UBXN2A: variants seen among roughly 807,000 people sequenced by gnomAD.
The protein encoded by UBXN2A is UBX domain-containing protein 2A.
Under a neutral mutation model 28.4 loss-of-function variants are expected in UBXN2A, and 28 were observed. The observed-to-expected ratio is 0.99, with a 90% confidence interval of 0.73 to 1.35. The LOEUF is 1.35. UBXN2A is among the 40% of genes most tolerant of loss of function. The pLI, the probability that UBXN2A is intolerant of heterozygous loss-of-function variation, is 0.00. For synonymous variants in UBXN2A, 97 were observed against 103.6 expected (o/e 0.94, Z 0.39); for missense variants, 253 against 297.9 (o/e 0.85, Z 1.11).
chr2:23,963,484 AAAG>A (rs1707028067), intron 2 of UBXN2A, among the ~76,000 whole-genome samples: 1 of 151,946 alleles, frequency 6.6e-6, no homozygotes, highest in African/African-American at 2.4e-5. Context: ...AAAAAAAAAA[AAAG>A]AGAAAAGTGG....
At chr2:23,950,148 A>G (rs1413180882) in intron 1 of UBXN2A, among the ~76,000 whole-genome samples, 2 of 152,090 alleles carry the variant, frequency 1.3e-5, no homozygotes, top group African/African-American at 2.4e-5. Context: ...AAGAAACAGT[A>G]ATAAGCAATA....
At chr2:23,955,738 A>G (rs1222881684) in intron 1 of UBXN2A, among the ~76,000 whole-genome samples, 1 of 152,190 alleles carries the variant, frequency 6.6e-6, no homozygotes, top group Non-Finnish European at 1.5e-5. Flanking sequence ...AACATATCTC[A>G]ACATAGAAAA....
chr2:23,962,204 G>A (rs1364522193), intron 2 of UBXN2A, among the ~76,000 whole-genome samples: 2 of 152,168 alleles, frequency 1.3e-5, no homozygotes, highest in African/African-American at 4.8e-5. Context: ...GAAGTTCTAT[G>A]TTTACCATAT....
At chr2:23,950,339 T>C (rs1309713365) in intron 1 of UBXN2A, among the ~76,000 whole-genome samples, 1 of 152,166 alleles carries the variant, frequency 6.6e-6, no homozygotes, top group Admixed American at 6.6e-5. Context: ...GAACATGTTA[T>C]GCTTTTGAGA....
intron 2 of UBXN2A, among the ~76,000 whole-genome samples, chr2:23,964,212 A>T (rs1204284297): frequency 1.3e-5 from 2 of 148,370 alleles, no homozygotes; most frequent in African/African-American, 5.0e-5. Context: ...AATATTATCC[A>T]ATCCTTTTTT....
At chr2:23,930,962 C>T (rs1032507406) in intron 1 of UBXN2A, among the ~76,000 whole-genome samples, 2 of 152,078 alleles carry the variant, frequency 1.3e-5, no homozygotes, top group African/African-American at 2.4e-5. Context: ...ATCAGGAGTT[C>T]AAGACCAACC....
rs762902922 is a variant in UBXN2A at position 23,999,974 on chromosome 2, G to A, written c.*107G>A. 2.9e-5 allele frequency: 31 copies of A among 1,069,164 alleles called. No individual in the cohort carries two copies. Among genetic ancestry groups the A allele is most frequent in the Non-Finnish European group, 4.2e-5 (31 of 736,662 alleles). The allele number at this position is 1,069,164 out of a possible 1,614,324, so 66.2% of individuals were successfully genotyped here. A position where few individuals can be genotyped will look rare whatever the true frequency, so the allele number is the denominator to read the frequency against. On this transcript the variant is annotated 3_prime_UTR_variant, in exon 7 of 7. Coordinates refer to ENST00000309033, the MANE Select transcript of UBXN2A (RefSeq NM_181713.4). ...GTCAGACTCACTAGACTTTTGGTTC[G>A]AGTACTATTGAACTCTCTCCTGATG...
At chr2:23,948,610 C>T (rs1040209999) in intron 1 of UBXN2A, among the ~76,000 whole-genome samples, 31 of 152,122 alleles carry the variant, frequency 2.0e-4, no homozygotes, top group African/African-American at 7.5e-4. Flanking sequence ...GAGTATAACA[C>T]TGTTGTATTC....
intron 4 of UBXN2A, among the ~76,000 whole-genome samples, chr2:23,978,231 C>T (rs992023640): frequency 3.9e-5 from 6 of 152,272 alleles, no homozygotes; most frequent in African/African-American, 1.4e-4. Flanking sequence ...ACCTCATTTT[C>T]TTTATTATTT....
chr2:23,964,215 CCT>C lies in UBXN2A; in HGVS notation c.41+5861_41+5862del, dbSNP rs1491525922. ...TACCCAAAATGGAATATTATCCAAT[CCT>C]TTTTTTTTTTGAGACAGAGTTTCGC... On this transcript the variant is annotated intron_variant, in intron 2 of 6. Coordinates refer to ENST00000309033, the MANE Select transcript of UBXN2A (RefSeq NM_181713.4). Among the ~76,000 whole-genome samples, 18 of 114,674 alleles carry C rather than the reference CCT, an allele frequency of 1.6e-4. No homozygotes were observed. The East Asian group carries it at 2.7e-3, about 17-fold the overall frequency. 75.2% of individuals were successfully genotyped at this position (114,674 alleles called of 152,430 possible). A position where few individuals can be genotyped will look rare whatever the true frequency, so the allele number is the denominator to read the frequency against.
intron 5 of UBXN2A, among the ~76,000 whole-genome samples, chr2:23,983,891 G>A (rs1708017183): frequency 6.6e-6 from 1 of 152,160 alleles, no homozygotes; most frequent in African/African-American, 2.4e-5. Flanking sequence ...GGCCAGGCTG[G>A]TCTTGAACTC....
rs1708686023 is a variant in UBXN2A at position 24,000,113 on chromosome 2, T to C, written c.*246T>C. The C allele has an allele frequency of 8.8e-6, 4 of 452,742 alleles. No homozygotes were observed. In the East Asian group the frequency reaches 1.5e-4, roughly 17 times the overall value. The allele number at this position is 452,742 out of a possible 1,614,324, so 28.0% of individuals were successfully genotyped here. ...AAATAGACTTATTTTCAAATACCAG[T>C]TATCAAGATATATTAAATAGCTGTA... On this transcript the variant is annotated 3_prime_UTR_variant, in exon 7 of 7. Transcript: ENST00000309033.
chr2:23,980,163 T>C (rs1014961093), intron 4 of UBXN2A, among the ~76,000 whole-genome samples: 1 of 152,210 alleles, frequency 6.6e-6, no homozygotes, highest in Non-Finnish European at 1.5e-5. Flanking sequence ...ATGAATCTAC[T>C]TTCTGTCTAT....
At chr2:23,970,734 T>A (rs1317158280) in intron 2 of UBXN2A, among the ~76,000 whole-genome samples, 1 of 151,848 alleles carries the variant, frequency 6.6e-6, no homozygotes, top group African/African-American at 2.4e-5. Context: ...TTCCTGCAAC[T>A]AGATGGTCCC....
At position 24,003,690 on chromosome 2, in the gene UBXN2A, C is replaced by A. The variant is rs1022834561; in HGVS notation, c.*3823C>A. On this transcript the variant is annotated 3_prime_UTR_variant, in exon 7 of 7. Transcript: ENST00000309033. ...TAATGTTTACACAGCAGTGTTAGAGCCTCTCTGTAGTGAAACAAAAATAAT... is the reference window on the plus strand; with the variant it reads ...TAATGTTTACACAGCAGTGTTAGAGACTCTCTGTAGTGAAACAAAAATAAT... The A allele has an allele frequency of 7.0e-5, 10 of 143,026 alleles. No individual in the cohort carries two copies. Among genetic ancestry groups the A allele is most frequent in the Non-Finnish European group, 1.3e-4 (9 of 66,912 alleles). 8.9% of individuals were successfully genotyped at this position (143,026 alleles called of 1,614,324 possible). A position where few individuals can be genotyped will look rare whatever the true frequency, so the allele number is the denominator to read the frequency against.
chr2:23,931,869 G>A (rs1705377822), intron 1 of UBXN2A, among the ~76,000 whole-genome samples: 1 of 152,096 alleles, frequency 6.6e-6, no homozygotes, highest in African/African-American at 2.4e-5. Flanking sequence ...AAATTAGCCA[G>A]GCGTGATGGC....
At chr2:23,948,395 G>A (rs1356385023) in intron 1 of UBXN2A, among the ~76,000 whole-genome samples, 1 of 151,514 alleles carries the variant, frequency 6.6e-6, no homozygotes, top group Non-Finnish European at 1.5e-5. Flanking sequence ...TGGGATTACA[G>A]GCATGCGCCA....
chr2:24,004,306 T>C lies in UBXN2A; in HGVS notation c.*4439T>C, dbSNP rs1708763462. The C allele has an allele frequency of 6.6e-6, 1 of 152,184 alleles. No homozygotes were observed. The highest frequency in any genetic ancestry group is 1.5e-5 in the Non-Finnish European group (1 of 68,032). The allele number at this position is 152,184 out of a possible 1,614,324, so 9.4% of individuals were successfully genotyped here. A position where few individuals can be genotyped will look rare whatever the true frequency, so the allele number is the denominator to read the frequency against. ...GGGGCATACAATTTGACCTAAGCAA[T>C]TGTTTCAAAACTGTCTTCAGTTTCT... On this transcript the variant is annotated 3_prime_UTR_variant, in exon 7 of 7. Coordinates refer to ENST00000309033, the MANE Select transcript of UBXN2A (RefSeq NM_181713.4).
At chr2:23,971,684 C>A (rs2150868766) in intron 3 of UBXN2A, among the ~76,000 whole-genome samples, 1 of 151,106 alleles carries the variant, frequency 6.6e-6, no homozygotes, top group South Asian at 2.2e-4. Flanking sequence ...GAGACGGGGT[C>A]TTGCTTTGTT....
Sources: allele counts gnomAD v4.1 joint callset (sites outside exome capture counted in the v4.1 genomes callset), GRCh38; gene constraint gnomAD v4.1.1; transcripts MANE v1.5; gene names NCBI Gene and HGNC (gene_info 2026-07-23, HGNC 2026-07-21).